THUMPD3: variants seen among roughly 807,000 people sequenced by gnomAD.
THUMPD3 encodes tRNA (guanine(6)-N(2))-methyltransferase THUMP3.
In THUMPD3, 44 loss-of-function variants were observed where a neutral mutation model predicts 54.5. The ratio of observed to expected loss-of-function variants is 0.81; its 90% confidence interval spans 0.63 to 1.04. The LOEUF is 1.04. Among genes scored for constraint, THUMPD3 ranks in the 50% least tolerant of loss-of-function variants. The pLI is 0.00. For synonymous variants in THUMPD3, 196 were observed against 201.4 expected (o/e 0.97, Z 0.23); for missense variants, 604 against 601.3 (o/e 1.00, Z -0.05).
chr3:9,380,502 G>C lies in THUMPD3; in HGVS notation c.1009-1G>C, dbSNP rs777982379. ...TTTTAACATACACTCTTATCTTTTA[G>C]GGGGCCACTGAATGGTCTGACTGTT... On this transcript the variant is annotated splice_acceptor_variant, in intron 6 of 9. Transcript: ENST00000452837. LOFTEE classifies it high-confidence loss of function. 2 of 1,593,566 alleles carry C rather than the reference G, an allele frequency of 1.3e-6. No individual in the cohort carries two copies. Among genetic ancestry groups the C allele is most frequent in the African/African-American group, 1.3e-5 (1 of 74,288 alleles).
chr3:9,376,067 A>G (rs768899338), intron 5 of THUMPD3, among the ~76,000 whole-genome samples: 34 of 152,236 alleles, frequency 2.2e-4, no homozygotes, highest in Non-Finnish European at 4.1e-4. Context: ...TAATTTAACA[A>G]ATATGCATTA....
At chr3:9,377,576 T>C (rs2032559927) in intron 5 of THUMPD3, among the ~76,000 whole-genome samples, 1 of 152,144 alleles carries the variant, frequency 6.6e-6, no homozygotes, top group Non-Finnish European at 1.5e-5. Flanking sequence ...GGTTTCGCCA[T>C]GTTGGCCAGG....
chr3:9,378,923 G>A (rs1416632803), intron 6 of THUMPD3, among the ~76,000 whole-genome samples: 1 of 152,098 alleles, frequency 6.6e-6, no homozygotes, highest in Non-Finnish European at 1.5e-5. Flanking sequence ...GTCACCGCAT[G>A]TCAAGAAATA....
intron 6 of THUMPD3, among the ~76,000 whole-genome samples, chr3:9,378,270 G>A (rs1309708179): frequency 6.6e-6 from 1 of 152,190 alleles, no homozygotes; most frequent in East Asian, 1.9e-4. Context: ...AGTTCCTAGA[G>A]GGAATAAGTA....
At chr3:9,378,006 A>C (rs1362684980) in intron 6 of THUMPD3, 118 bp downstream of exon 6, 1 of 796,978 alleles carries the variant, frequency 1.3e-6, no homozygotes. Flanking sequence ...CAAGAGTTTT[A>C]AAACAATTAA....
rs147375457 is a variant in THUMPD3, at chr3:9,384,818, A to G, written c.*130A>G. 69 of 1,053,866 alleles carry G rather than the reference A, an allele frequency of 6.5e-5. No homozygotes were observed. The highest frequency in any genetic ancestry group is 9.0e-5 in the Non-Finnish European group (66 of 733,020). 65.3% of individuals were successfully genotyped at this position (1,053,866 alleles called of 1,614,324 possible). A position where few individuals can be genotyped will look rare whatever the true frequency, so the allele number is the denominator to read the frequency against. On this transcript the variant is annotated 3_prime_UTR_variant, in exon 10 of 10. Transcript: ENST00000452837. Reference sequence around the variant, plus strand: ...CTGTTTAAGGCTCTTCATCCTGGTTAGCAAAAGGTGTGAATGTAATGTGAT... The same window carrying G: ...CTGTTTAAGGCTCTTCATCCTGGTTGGCAAAAGGTGTGAATGTAATGTGAT...
At position 9,385,495 on chromosome 3, in the gene THUMPD3, A is replaced by G. The variant is rs1349435518; in HGVS notation, c.*807A>G. On this transcript the variant is annotated 3_prime_UTR_variant, in exon 10 of 10. Transcript: ENST00000452837. Reference sequence around the variant, plus strand: ...TCAGCCTATAAGACGAAGTCTCACAAGACCTATAGGAAAGTTTACCATCTG... The same window carrying G: ...TCAGCCTATAAGACGAAGTCTCACAGGACCTATAGGAAAGTTTACCATCTG... 1 of 152,242 alleles carries G rather than the reference A, an allele frequency of 6.6e-6. No homozygotes were observed. The highest frequency in any genetic ancestry group is 2.4e-5 in the African/African-American group (1 of 41,472). 9.4% of individuals were successfully genotyped at this position (152,242 alleles called of 1,614,324 possible).
At chr3:9,376,677 G>A (rs553375916) in intron 5 of THUMPD3, among the ~76,000 whole-genome samples, 22 of 152,230 alleles carry the variant, frequency 1.4e-4, no homozygotes, top group African/African-American at 4.3e-4. Flanking sequence ...TCATACATGC[G>A]ATAAGTCCCA....
intron 3 of THUMPD3, 69 bp downstream of exon 3, chr3:9,367,054 T>C: frequency 2.3e-6 from 3 of 1,279,006 alleles, no homozygotes; most frequent in Non-Finnish European, 3.4e-6. Context: ...CCATTTTTCA[T>C]AGTCTGTGAA....
Position 9,384,884 on chromosome 3 carries a change from G to T in THUMPD3, c.*196G>T. The stretch of plus-strand genomic sequence containing the variant: ...TATGAGACCAGGCACAGTGGCTCAC[G>T]ACTGTAATTCCAGCAGTTTAGGAAG... On this transcript the variant is annotated 3_prime_UTR_variant, in exon 10 of 10. Coordinates refer to ENST00000452837, the MANE Select transcript of THUMPD3 (RefSeq NM_001114092.2). 1 of 607,768 alleles carries T rather than the reference G, an allele frequency of 1.6e-6. No individual in the cohort carries two copies. The highest frequency in any genetic ancestry group is 2.8e-6 in the Non-Finnish European group (1 of 359,136). 37.6% of individuals were successfully genotyped at this position (607,768 alleles called of 1,614,324 possible).
intron 1 of THUMPD3, 110 bp from the exon 2 acceptor site, chr3:9,364,904 CTG>C (rs1330618399): frequency 6.2e-6 from 5 of 809,824 alleles, no homozygotes; most frequent in Non-Finnish European, 9.5e-6. Context: ...ACTTTGGTGA[CTG>C]TTTATCAGAT....
At position 9,365,269 on chromosome 3, in the gene THUMPD3, C is replaced by T; in HGVS notation, c.201C>T (p.Ser67=). Residue 67 remains serine, a synonymous_variant, in exon 2 of 10, where the codon AGC becomes AGT. Transcript: ENST00000452837. Reference sequence around the variant, plus strand: ...AACTTGGGTCATCATGCAAAATCAGCAGAGACCGTGGCAAGATATATTTTG... The same window carrying T: ...AACTTGGGTCATCATGCAAAATCAGTAGAGACCGTGGCAAGATATATTTTG... ...REKLGSSCKI[S]RDRGKIYFVI... 6.2e-7 allele frequency: 1 copy of T among 1,614,158 alleles called. No homozygotes were observed. The highest frequency in any genetic ancestry group is 1.1e-5 in the South Asian group (1 of 91,080).
chr3:9,366,184 A>T (rs558731607), intron 2 of THUMPD3, among the ~76,000 whole-genome samples: 1 of 152,216 alleles, frequency 6.6e-6, no homozygotes, highest in Non-Finnish European at 1.5e-5. Context: ...TTTAATTTGC[A>T]TCAAAAATTC....
chr3:9,364,052 T>G (rs1255528749), intron 1 of THUMPD3: 2 of 151,802 alleles, frequency 1.3e-5, no homozygotes, highest in African/African-American at 2.4e-5. Context: ...TGAGCCAGTG[T>G]GCCCAGCCCA....
At chr3:9,372,409 G>C (rs1052091815) in intron 4 of THUMPD3, among the ~76,000 whole-genome samples, 1 of 151,982 alleles carries the variant, frequency 6.6e-6, no homozygotes, top group Non-Finnish European at 1.5e-5. Context: ...GTGAAACCCT[G>C]TCTCTACTAA....
At chr3:9,372,642 C>T (rs1166659307) in intron 4 of THUMPD3, among the ~76,000 whole-genome samples, 1 of 152,026 alleles carries the variant, frequency 6.6e-6, no homozygotes, top group Non-Finnish European at 1.5e-5. Flanking sequence ...GACATCATTG[C>T]TAATACTCAT....
chr3:9,367,066 GT>G, intron 3 of THUMPD3, 81 bp downstream of exon 3: 1 of 1,149,376 alleles, frequency 8.7e-7, no homozygotes, highest in Non-Finnish European at 1.3e-6. Context: ...GTCTGTGAAA[GT>G]TTAGCATTAC....
At chr3:9,376,723 G>A (rs1239846951) in intron 5 of THUMPD3, among the ~76,000 whole-genome samples, 2 of 152,160 alleles carry the variant, frequency 1.3e-5, no homozygotes, top group African/African-American at 4.8e-5. Flanking sequence ...AACAAGAGAA[G>A]GGAAGAAACC....
chr3:9,378,997 T>G (rs2125327529), intron 6 of THUMPD3, among the ~76,000 whole-genome samples: 1 of 152,270 alleles, frequency 6.6e-6, no homozygotes, highest in South Asian at 2.1e-4. Context: ...TTGAGCCATT[T>G]CCATGTAAGA....
Sources: allele counts gnomAD v4.1 joint callset (sites outside exome capture counted in the v4.1 genomes callset), GRCh38; gene constraint gnomAD v4.1.1; transcripts MANE v1.5; gene names NCBI Gene and HGNC (gene_info 2026-07-23, HGNC 2026-07-21).